The following COPG2 variants were observed in gnomAD, a reference collection of about 807,000 sequenced individuals.
The protein encoded by COPG2 is coat protein complex I subunit gamma 2, also known as coatomer subunit gamma-2.
Under a neutral mutation model 46.3 loss-of-function variants are expected in COPG2, and 37 were observed. The observed-to-expected ratio is 0.80, with a 90% CI of 0.61 to 1.05. The LOEUF (loss-of-function observed/expected upper bound fraction) is 1.05, where lower values mean the gene tolerates loss of function less well. Among genes scored for constraint, COPG2 ranks in the 50% least tolerant of loss-of-function variants. The pLI is 0.00. For synonymous variants in COPG2, 159 were observed against 129.7 expected, an observed-to-expected ratio of 1.23 and a Z score of -1.53; for missense variants, 427 against 387.8, an observed-to-expected ratio of 1.10 and a Z score of -0.85.
intron 20 of COPG2, among the ~76,000 whole-genome samples, chr7:130,545,319 T>G (rs1301054013): frequency 1.3e-5 from 2 of 152,164 alleles, no homozygotes; most frequent in Admixed American, 6.5e-5. Context: ...TCCCTTCTAT[T>G]ATGCTATACT....
intron 22 of COPG2, 153 bp from the exon 23 acceptor site, chr7:130,507,525 A>G: frequency 1.5e-6 from 1 of 667,898 alleles, no homozygotes; most frequent in Non-Finnish European, 2.7e-6. Flanking sequence ...GGACTAGAAA[A>G]TGGCTGATCA....
chr7:130,640,004 GGGT>G (rs1795432232), intron 5 of COPG2, among the ~76,000 whole-genome samples: 1 of 152,082 alleles, frequency 6.6e-6, no homozygotes, highest in Admixed American at 6.6e-5. Context: ...TTTCTTCCGA[GGGT>G]TTTAAGTGCT....
intron 5 of COPG2, among the ~76,000 whole-genome samples, chr7:130,621,125 G>A (rs1159136532): frequency 6.6e-6 from 1 of 152,132 alleles, no homozygotes; most frequent in Non-Finnish European, 1.5e-5. Context: ...TGGAATGATG[G>A]GAAAGGGGAG....
At chr7:130,668,579 G>A in intron 1 of COPG2, 53 bp downstream of exon 1, 2 of 1,463,548 alleles carry the variant, frequency 1.4e-6, no homozygotes, top group Admixed American at 2.4e-5. Flanking sequence ...GGCGGCGGGC[G>A]GGGGAAGGGG....
intron 20 of COPG2, among the ~76,000 whole-genome samples, chr7:130,527,097 G>A (rs1799781967): frequency 6.6e-6 from 1 of 150,752 alleles, no homozygotes; most frequent in Non-Finnish European, 1.5e-5. Context: ...CAGGTAGGGT[G>A]GAAGTTCAAA....
chr7:130,590,520 G>T lies in COPG2; in HGVS notation c.737+20433C>A, dbSNP rs1329334892. Among the ~76,000 whole-genome samples the T allele has an allele frequency of 1.9e-4, 29 of 152,168 alleles. 1 individual carries two copies. Among genetic ancestry groups the T allele is most frequent in the Admixed American group, 1.9e-3 (29 of 15,286 alleles). ...TGATCCGCCAGCCTCGGCCTCCCGA[G>T]GTGCCGGGATGGCAGACGGAGTTGC... On this transcript the variant is annotated intron_variant, in intron 9 of 23. Transcript: ENST00000425248.
Position 130,658,416 on chromosome 7 carries a change from G to A in COPG2, c.243+4551C>T, listed in dbSNP as rs533753863. ...AGAAACAGATGATAAAGAGACACGG[G>A]GGAACTTTTTGAGGAGATGGAAATG... On this transcript the variant is annotated intron_variant, in intron 4 of 23. Coordinates refer to ENST00000425248, the MANE Select transcript of COPG2 (RefSeq NM_012133.6). Among the ~76,000 whole-genome samples, 10 of 152,252 alleles carry A rather than the reference G, an allele frequency of 6.6e-5. No homozygotes were observed. The South Asian group carries it at 8.3e-4, about 13-fold the overall frequency.
At chr7:130,545,250 C>A (rs1793421233) in intron 20 of COPG2, among the ~76,000 whole-genome samples, 4 of 151,856 alleles carry the variant, frequency 2.6e-5, no homozygotes, top group Admixed American at 2.0e-4. Context: ...TCCACGATTA[C>A]ACAGTCAGTA....
At chr7:130,609,387 C>T (rs892137477) in intron 9 of COPG2, among the ~76,000 whole-genome samples, 28 of 152,160 alleles carry the variant, frequency 1.8e-4, no homozygotes, top group Admixed American at 1.2e-3. Flanking sequence ...CCTGCACAAG[C>T]GCTCTCTCTC....
intron 20 of COPG2, among the ~76,000 whole-genome samples, chr7:130,538,678 G>T (rs1167115829): frequency 1.8e-5 from 1 of 56,420 alleles, no homozygotes; most frequent in Admixed American, 2.6e-4. Context: ...CTTGGGGGCT[G>T]GGGGCCTGGG....
In COPG2 at chr7:130,554,674, C is replaced by T. The variant is rs1378843893; in HGVS notation, c.1275G>A (p.Val425=). 1 of 398,476 alleles carries T rather than the reference C, an allele frequency of 2.5e-6. No individual in the cohort carries two copies. Among genetic ancestry groups the T allele is most frequent in the African/African-American group, 2.1e-5 (1 of 48,626 alleles). The allele number at this position is 398,476 out of a possible 1,614,324, so 24.7% of individuals were successfully genotyped here. A position where few individuals can be genotyped will look rare whatever the true frequency, so the allele number is the denominator to read the frequency against. ...CTTCTTTACTCTCAGGGTTCTCTTC[C>T]ACAATGCTGATTATACAGTCCACAA... is the stretch of plus-strand genomic sequence containing the variant. ...RAIVDCIISI[V]EENPESKEAG... The change falls in exon 14 of 24, where the codon GTG becomes GTA. Residue 425 remains valine, a synonymous_variant. Transcript: ENST00000425248.
chr7:130,509,983 C>A (rs542568105), intron 20 of COPG2: 3 of 477,458 alleles, frequency 6.3e-6, no homozygotes, highest in Admixed American at 4.5e-5. Flanking sequence ...CACCGGGCAG[C>A]TGGAAACAGT....
At chr7:130,573,894 A>G (rs547302219) in intron 9 of COPG2, among the ~76,000 whole-genome samples, 15 of 152,332 alleles carry the variant, frequency 9.8e-5, no homozygotes, top group Admixed American at 2.0e-4. Context: ...ATTCTCATAC[A>G]TAATAGAAAT....
At chr7:130,516,709 A>G (rs1799681122) in intron 20 of COPG2, among the ~76,000 whole-genome samples, 2 of 152,188 alleles carry the variant, frequency 1.3e-5, no homozygotes, top group South Asian at 4.1e-4. Context: ...AATTTGTCAG[A>G]GTTGTGTATT....
chr7:130,590,391 G>A (rs180691135), intron 9 of COPG2, among the ~76,000 whole-genome samples: 1 of 152,212 alleles, frequency 6.6e-6, no homozygotes, highest in Non-Finnish European at 1.5e-5. Flanking sequence ...GAGTGCCTGC[G>A]ACTGCAGGTG....
At chr7:130,549,239 G>C (rs1793496000) in intron 18 of COPG2, 75 bp downstream of exon 18, 3 of 398,058 alleles carry the variant, frequency 7.5e-6, no homozygotes, top group Non-Finnish European at 8.9e-6. Flanking sequence ...ATCAATTTGA[G>C]TAAGACTGGT....
In COPG2 at chr7:130,521,741, G is replaced by A. The variant is rs1013028333; in HGVS notation, c.2150-13082C>T. On this transcript the variant is annotated intron_variant, in intron 20 of 23. Transcript: ENST00000425248. The stretch of plus-strand genomic sequence containing the variant: ...TTTCAGAGTAACTTAAGTAAACACA[G>A]GGCAAATCAGCTTCACAATAAGGAA... Among the ~76,000 whole-genome samples, 38 of 152,264 alleles carry A rather than the reference G, an allele frequency of 2.5e-4. No individual in the cohort carries two copies. The East Asian group carries it at 7.3e-3, about 29-fold the overall frequency.
intron 5 of COPG2, among the ~76,000 whole-genome samples, chr7:130,633,341 A>G (rs1256102358): frequency 6.6e-6 from 1 of 152,186 alleles, no homozygotes; most frequent in Non-Finnish European, 1.5e-5. Flanking sequence ...CAATGGTTGA[A>G]CTAATTTACA....
intron 18 of COPG2, among the ~76,000 whole-genome samples, chr7:130,549,002 C>G (rs1377339240): frequency 2.1e-5 from 3 of 144,936 alleles, no homozygotes; most frequent in African/African-American, 7.7e-5. Flanking sequence ...GTGAAGTCAT[C>G]TTTCAAGTAA....
Sources: allele counts gnomAD v4.1 joint callset (sites outside exome capture counted in the v4.1 genomes callset), GRCh38; gene constraint gnomAD v4.1.1; transcripts MANE v1.5; gene names NCBI Gene and HGNC (gene_info 2026-07-23, HGNC 2026-07-21).